Variants in TEX9 observed in about 807,000 individuals in gnomAD.
TEX9 encodes testis expressed 9, also known as testis-expressed protein 9.
In TEX9, 74 loss-of-function variants were observed where a neutral mutation model predicts 59.6. The ratio of observed to expected loss-of-function variants is 1.24; its 90% confidence interval spans 1.03 to 1.51. The LOEUF (loss-of-function observed/expected upper bound fraction) is 1.51. Ranked by LOEUF, TEX9 falls within the 40% of genes most tolerant of loss-of-function variation. TEX9 has a pLI of 0.00. For missense variants in TEX9, 522 were observed against 447.8 expected (o/e 1.17, Z -1.49); for synonymous variants, 186 against 152.2 (o/e 1.22, Z -1.64).
chr15:56,418,411 G>C (rs2049806135), intron 10 of TEX9, among the ~76,000 whole-genome samples: 1 of 151,514 alleles, frequency 6.6e-6, no homozygotes, highest in Non-Finnish European at 1.5e-5. Flanking sequence ...TATCTGAAGA[G>C]GATCTTATTT....
intron 1 of TEX9, among the ~76,000 whole-genome samples, chr15:56,287,081 T>G (rs1331348148): frequency 6.6e-6 from 1 of 152,152 alleles, no homozygotes; most frequent in African/African-American, 2.4e-5. Flanking sequence ...ATATTTGACA[T>G]AATGGCCCAA....
intron 1 of TEX9, among the ~76,000 whole-genome samples, chr15:56,321,732 C>G (rs567206047): frequency 6.6e-6 from 1 of 152,196 alleles, no homozygotes; most frequent in Admixed American, 6.5e-5. Context: ...TTAAATATAT[C>G]TATGCTTAAG....
At chr15:56,349,139 A>G (rs1207598416) in intron 1 of TEX9, among the ~76,000 whole-genome samples, 1 of 152,048 alleles carries the variant, frequency 6.6e-6, no homozygotes, top group African/African-American at 2.4e-5. Context: ...ATGATTTTTT[A>G]TTTTGAGAAT....
intron 10 of TEX9, among the ~76,000 whole-genome samples, chr15:56,413,699 C>T (rs988445772): frequency 6.6e-6 from 1 of 151,386 alleles, no homozygotes; most frequent in East Asian, 1.9e-4. Flanking sequence ...TTAAGTGACT[C>T]TCATAATTAA....
intron 1 of TEX9, among the ~76,000 whole-genome samples, chr15:56,280,631 GA>G (rs2141451329): frequency 6.6e-6 from 1 of 152,078 alleles, no homozygotes; most frequent in South Asian, 2.1e-4. Context: ...TCATCCATAA[GA>G]AAAAAGGAAA....
In TEX9 at chr15:56,411,463, C is replaced by T. The variant is rs76711411; in HGVS notation, c.829-839C>T. On this transcript the variant is annotated intron_variant, in intron 9 of 12. Coordinates refer to ENST00000352903, the Ensembl canonical transcript of TEX9. Reference sequence around the variant, plus strand: ...ATGAGGATTAGAAAGGAAATATGTCCTGGGAGAGCTAATGCCCTAGAGTAC... The same window carrying T: ...ATGAGGATTAGAAAGGAAATATGTCTTGGGAGAGCTAATGCCCTAGAGTAC... Among the ~76,000 whole-genome samples the T allele has an allele frequency of 2.0e-3, 308 of 152,212 alleles. 1 individual carries two copies. Among genetic ancestry groups the T allele is most frequent in the African/African-American group, 7.0e-3 (291 of 41,526 alleles).
intron 1 of TEX9, among the ~76,000 whole-genome samples, chr15:56,334,420 C>G (rs1396638832): frequency 6.6e-6 from 1 of 152,108 alleles, no homozygotes; most frequent in Non-Finnish European, 1.5e-5. Flanking sequence ...AGAACAGTCT[C>G]TTTAATAAAT....
chr15:56,383,759 C>G (rs1486781118), intron 3 of TEX9, among the ~76,000 whole-genome samples, 193 bp from the exon 4 acceptor site: 1 of 152,048 alleles, frequency 6.6e-6, no homozygotes, highest in African/African-American at 2.4e-5. Flanking sequence ...ATTTTTTAAC[C>G]CAGAACAAAT....
chr15:56,277,967 T>C (rs1005757205), intron 1 of TEX9, among the ~76,000 whole-genome samples: 1 of 152,162 alleles, frequency 6.6e-6, no homozygotes, highest in Non-Finnish European at 1.5e-5. Flanking sequence ...CGTTTTTTTT[T>C]TCTCTTTTCC....
intron 4 of TEX9, among the ~76,000 whole-genome samples, chr15:56,384,791 A>G (rs1198998897): frequency 6.6e-6 from 1 of 152,204 alleles, no homozygotes; most frequent in African/African-American, 2.4e-5. Context: ...ATTGGGAGGC[A>G]CAACAGGTGT....
chr15:56,369,854 G>A (rs1271185196), intron 2 of TEX9, among the ~76,000 whole-genome samples: 1 of 152,094 alleles, frequency 6.6e-6, no homozygotes, highest in African/African-American at 2.4e-5. Flanking sequence ...TGTTAGAAGT[G>A]TATTAAAAAT....
At chr15:56,309,869 C>A (rs2045570272) in intron 1 of TEX9, among the ~76,000 whole-genome samples, 1 of 151,542 alleles carries the variant, frequency 6.6e-6, no homozygotes. Flanking sequence ...TGAGTAGAGT[C>A]AGGGAAGTGA....
chr15:56,423,476 G>C (rs534475421), intron 10 of TEX9, among the ~76,000 whole-genome samples: 5 of 152,214 alleles, frequency 3.3e-5, no homozygotes, highest in African/African-American at 9.6e-5. Flanking sequence ...AATGTTCCAT[G>C]TGCACTTGAG....
intron 3 of TEX9, among the ~76,000 whole-genome samples, chr15:56,378,253 CCCT>C (rs1334924746): frequency 6.6e-6 from 1 of 151,916 alleles, no homozygotes; most frequent in African/African-American, 2.4e-5. Flanking sequence ...TGGAAGTATT[CCCT>C]CCTCCTCCAA....
intron 2 of TEX9, chr15:56,365,935 G>C (rs1456210426): frequency 7.9e-7 from 1 of 1,270,500 alleles, no homozygotes; most frequent in African/African-American, 1.5e-5. Context: ...CAAGTAAACA[G>C]CAAGATACTG....
chr15:56,439,405 C>T (rs1266759151), intron 12 of TEX9, among the ~76,000 whole-genome samples: 1 of 151,132 alleles, frequency 6.6e-6, no homozygotes, highest in African/African-American at 2.4e-5. Context: ...AGACAAGATT[C>T]TTCAAAAATT....
intron 2 of TEX9, among the ~76,000 whole-genome samples, chr15:56,367,265 A>G (rs746731616): frequency 6.6e-6 from 1 of 152,096 alleles, no homozygotes; most frequent in Non-Finnish European, 1.5e-5. Context: ...TGAACAGAGT[A>G]ACTCCCTACA....
chr15:56,315,768 C>T (rs1191280304), intron 1 of TEX9, among the ~76,000 whole-genome samples: 1 of 147,126 alleles, frequency 6.8e-6, no homozygotes, highest in African/African-American at 2.5e-5. Flanking sequence ...TTCCATTCTC[C>T]CCATCACTTT....
intron 1 of TEX9, among the ~76,000 whole-genome samples, chr15:56,329,069 C>T (rs1172419060): frequency 6.6e-6 from 1 of 152,176 alleles, no homozygotes; most frequent in Non-Finnish European, 1.5e-5. Context: ...CAGCTCCACA[C>T]AGCTCAGCAC....
Sources: allele counts gnomAD v4.1 joint callset (sites outside exome capture counted in the v4.1 genomes callset), GRCh38; gene constraint gnomAD v4.1.1; transcripts MANE v1.5; gene names NCBI Gene and HGNC (gene_info 2026-07-23, HGNC 2026-07-21).